Variants in CNTNAP2 observed in about 807,000 individuals in gnomAD.
CNTNAP2 encodes the protein contactin-associated protein-like 2.
CNTNAP2 carries 98 observed loss-of-function variants against 155.2 expected under a neutral mutation model. The observed-to-expected ratio is 0.63, with a 90% CI of 0.54 to 0.75. The LOEUF (loss-of-function observed/expected upper bound fraction) is 0.75, where lower values mean the gene tolerates loss of function less well. Among genes scored for constraint, CNTNAP2 ranks in the 30% least tolerant of loss-of-function variants. CNTNAP2 has a pLI of 0.00. For missense variants in CNTNAP2, 1,727 were observed against 1,688.1 expected, an observed-to-expected ratio of 1.02 and a Z score of -0.40; for synonymous variants, 651 against 631.2, an observed-to-expected ratio of 1.03 and a Z score of -0.47.
intron 9 of CNTNAP2, among the ~76,000 whole-genome samples, chr7:147,376,784 G>A (rs569398774): frequency 6.6e-6 from 1 of 151,950 alleles, no homozygotes; most frequent in Admixed American, 6.6e-5. Context: ...CAATAAATAG[G>A]ATCAAATTCA....
At chr7:147,328,283 C>T (rs934999440) in intron 9 of CNTNAP2, among the ~76,000 whole-genome samples, 7 of 152,188 alleles carry the variant, frequency 4.6e-5, no homozygotes. Context: ...GTGAAAGGAG[C>T]TCTCAGCAAA....
At chr7:147,073,079 C>G (rs1256137636) in intron 4 of CNTNAP2, among the ~76,000 whole-genome samples, 2 of 149,414 alleles carry the variant, frequency 1.3e-5, no homozygotes, top group Non-Finnish European at 3.0e-5. Flanking sequence ...GTCTCGATCT[C>G]CTGACCTCAT....
intron 3 of CNTNAP2, among the ~76,000 whole-genome samples, chr7:146,984,567 A>C (rs73463255): frequency 0.015 from 2,215 of 151,762 alleles, 48 homozygotes; most frequent in African/African-American, 0.05. Flanking sequence ...CATTTTAGAG[A>C]GCTAATGTGT....
intron 20 of CNTNAP2, among the ~76,000 whole-genome samples, chr7:148,258,394 A>C (rs1187719145): frequency 6.6e-6 from 1 of 152,228 alleles, no homozygotes; most frequent in Non-Finnish European, 1.5e-5. Flanking sequence ...ATTATCAGGA[A>C]CAAAGTGATT....
chr7:147,742,710 C>G (rs1490435114), intron 13 of CNTNAP2, among the ~76,000 whole-genome samples: 2 of 152,184 alleles, frequency 1.3e-5, no homozygotes, highest in African/African-American at 2.4e-5. Flanking sequence ...TCTTTTCCTA[C>G]TAGCTTGGAA....
chr7:148,139,306 A>G (rs1022818834), intron 16 of CNTNAP2, among the ~76,000 whole-genome samples: 1 of 152,240 alleles, frequency 6.6e-6, no homozygotes, highest in Non-Finnish European at 1.5e-5. Flanking sequence ...CTCTACATTC[A>G]GAAACTAAAA....
At chr7:146,558,702 A>G (rs982215624) in intron 1 of CNTNAP2, among the ~76,000 whole-genome samples, 14 of 152,182 alleles carry the variant, frequency 9.2e-5, no homozygotes, top group Non-Finnish European at 1.5e-4. Context: ...TATCTCTAAG[A>G]CTTATTCATC....
chr7:147,780,472 A>G (rs967511149), intron 13 of CNTNAP2, among the ~76,000 whole-genome samples: 1 of 152,316 alleles, frequency 6.6e-6, no homozygotes, highest in Non-Finnish European at 1.5e-5. Flanking sequence ...ACAGATCTAC[A>G]TCTAGCCACA....
chr7:146,245,688 A>ATAGG (rs1286470424), intron 1 of CNTNAP2, among the ~76,000 whole-genome samples: 1 of 152,080 alleles, frequency 6.6e-6, no homozygotes, highest in East Asian at 1.9e-4. Flanking sequence ...TTATGCCGAG[A>ATAGG]TAGGTAACAG....
chr7:146,878,223 A>C (rs1795467147), intron 3 of CNTNAP2, among the ~76,000 whole-genome samples: 1 of 152,138 alleles, frequency 6.6e-6, no homozygotes. Flanking sequence ...CAGGCTGCTG[A>C]CTTCTGTCAG....
chr7:146,623,707 T>C (rs1388701169), intron 1 of CNTNAP2, among the ~76,000 whole-genome samples: 1 of 152,196 alleles, frequency 6.6e-6, no homozygotes, highest in Admixed American at 6.5e-5. Context: ...CTGTTATTAA[T>C]GTTCATGGGC....
In CNTNAP2 at chr7:146,728,907, T is replaced by A. The variant is rs147901512; in HGVS notation, c.98-45364T>A. On this transcript the variant is annotated intron_variant, in intron 1 of 23. Coordinates refer to ENST00000361727, the MANE Select transcript of CNTNAP2 (RefSeq NM_014141.6). ...GGTCGTCGTTCTCAGTGGAAATATA[T>A]TTAGCATAGATCAACTGGCTTTGGT... Among the ~76,000 whole-genome samples the A allele has an allele frequency of 6.5e-3, 990 of 152,262 alleles. 10 individuals are homozygous for A. The highest frequency in any genetic ancestry group is 0.023 in the African/African-American group (936 of 41,546).
intron 1 of CNTNAP2, among the ~76,000 whole-genome samples, chr7:146,164,303 T>C (rs1798278493): frequency 6.6e-6 from 1 of 152,228 alleles, no homozygotes; most frequent in Non-Finnish European, 1.5e-5. Flanking sequence ...TTTCTGCTCA[T>C]GTATCACTCA....
intron 9 of CNTNAP2, among the ~76,000 whole-genome samples, chr7:147,350,670 A>C (rs899141967): frequency 1.3e-5 from 2 of 151,792 alleles, no homozygotes; most frequent in Non-Finnish European, 2.9e-5. Flanking sequence ...GCTGCCTTAC[A>C]GTACCCTATT....
intron 8 of CNTNAP2, among the ~76,000 whole-genome samples, chr7:147,279,436 T>C (rs1804978006): frequency 6.6e-6 from 1 of 151,768 alleles, no homozygotes; most frequent in African/African-American, 2.4e-5. Flanking sequence ...CCCATAGTTT[T>C]ATTGTCAGTA....
At chr7:148,108,649 A>C (rs899638974) in intron 15 of CNTNAP2, among the ~76,000 whole-genome samples, 1 of 150,156 alleles carries the variant, frequency 6.7e-6, no homozygotes, top group South Asian at 2.1e-4. Flanking sequence ...CTAAAACAAC[A>C]GACTCAGAGA....
intron 13 of CNTNAP2, among the ~76,000 whole-genome samples, chr7:147,699,464 A>G (rs1584906743): frequency 6.6e-6 from 1 of 151,960 alleles, no homozygotes; most frequent in African/African-American, 2.4e-5. Context: ...GTGGGGGGCA[A>G]GGGGAGAGAT....
intron 13 of CNTNAP2, among the ~76,000 whole-genome samples, chr7:147,651,449 T>C (rs1430534152): frequency 6.6e-6 from 1 of 152,240 alleles, no homozygotes; most frequent in African/African-American, 2.4e-5. Flanking sequence ...AGTTGACAGA[T>C]AAAACCGACC....
intron 1 of CNTNAP2, among the ~76,000 whole-genome samples, chr7:146,428,374 C>T (rs1796123502): frequency 6.6e-6 from 1 of 151,116 alleles, no homozygotes; most frequent in Admixed American, 6.6e-5. Flanking sequence ...AGTGTAAAAG[C>T]ATTCCTTTTT....
Sources: allele counts gnomAD v4.1 joint callset (sites outside exome capture counted in the v4.1 genomes callset), GRCh38; gene constraint gnomAD v4.1.1; transcripts MANE v1.5; gene names NCBI Gene and HGNC (gene_info 2026-07-23, HGNC 2026-07-21).